XKR9: variants seen among roughly 807,000 people sequenced by gnomAD.
XKR9 encodes XK-related protein 9.
Under a neutral mutation model 32.0 loss-of-function variants are expected in XKR9, and 32 were observed. The observed-to-expected ratio is 1.00, with a 90% confidence interval of 0.76 to 1.34. XKR9 has a LOEUF of 1.34. XKR9 is among the 40% of genes most tolerant of loss of function. The pLI, the probability that XKR9 is intolerant of heterozygous loss-of-function variation, is 0.00. For synonymous variants in XKR9, 168 were observed against 143.4 expected (o/e 1.17, Z -1.22); for missense variants, 546 against 429.7 (o/e 1.27, Z -2.39).
At chr8:70,688,220 A>T (rs1819374392) in intron 3 of XKR9, among the ~76,000 whole-genome samples, 1 of 152,166 alleles carries the variant, frequency 6.6e-6, no homozygotes, top group Non-Finnish European at 1.5e-5. Flanking sequence ...GTAGAAACAG[A>T]GGTAGACCCT....
chr8:70,733,742 C>G, intron 4 of XKR9, 54 bp from the exon 5 acceptor site: 3 of 1,394,792 alleles, frequency 2.2e-6, no homozygotes, highest in Non-Finnish European at 2.8e-6. Flanking sequence ...ATATAGTAAT[C>G]TAATATTTCT....
At chr8:71,014,885 G>A in the XKR9 span, among the ~76,000 whole-genome samples, 3 of 152,210 alleles carry the variant, frequency 2.0e-5, no homozygotes, top group East Asian at 5.8e-4. Flanking sequence ...TAAAAACCCT[G>A]TGTTTGAGTC....
intron 3 of XKR9, among the ~76,000 whole-genome samples, chr8:70,683,206 C>T (rs373064654): frequency 3.0e-4 from 45 of 152,236 alleles, no homozygotes; most frequent in Admixed American, 2.6e-3. Context: ...GTGTAACGTG[C>T]GGTCTTAAAT....
the XKR9 span, among the ~76,000 whole-genome samples, chr8:70,809,977 A>G: frequency 2.0e-5 from 3 of 152,282 alleles, no homozygotes; most frequent in East Asian, 3.9e-4. Context: ...CAACTCCAAG[A>G]CACATAATTG....
intron 3 of XKR9, among the ~76,000 whole-genome samples, chr8:70,701,841 G>C (rs989398111): frequency 6.6e-6 from 1 of 152,110 alleles, no homozygotes; most frequent in Admixed American, 6.5e-5. Context: ...TCATTTTCCA[G>C]AATATAAATT....
the XKR9 span, among the ~76,000 whole-genome samples, chr8:70,946,725 A>G: frequency 6.6e-6 from 1 of 152,200 alleles, no homozygotes; most frequent in East Asian, 1.9e-4. Context: ...TGATTTGCCT[A>G]TGAATGTCTT....
chr8:70,741,980 T>G (rs956972086), intron 2 of XKR9, among the ~76,000 whole-genome samples: 1 of 152,102 alleles, frequency 6.6e-6, no homozygotes, highest in African/African-American at 2.4e-5. Flanking sequence ...TTTTTTTTCT[T>G]TTGATAATGG....
the XKR9 span, among the ~76,000 whole-genome samples, chr8:70,976,887 A>T: frequency 3.3e-5 from 5 of 152,118 alleles, no homozygotes; most frequent in Admixed American, 1.3e-4. Context: ...TTATTGCCTC[A>T]ATTTCAGAGC....
the XKR9 span, among the ~76,000 whole-genome samples, chr8:71,009,238 A>G: frequency 6.6e-6 from 1 of 152,216 alleles, no homozygotes; most frequent in African/African-American, 2.4e-5. Context: ...CATGGGCCGC[A>G]TGCAGCCCAG....
At chr8:70,782,802 CATTTT>C (rs1807634719) in intron 2 of XKR9, among the ~76,000 whole-genome samples, 1 of 152,050 alleles carries the variant, frequency 6.6e-6, no homozygotes, top group Non-Finnish European at 1.5e-5. Context: ...ATGTAGACCA[CATTTT>C]ATTTATTTGT....
At chr8:70,955,189 A>G in the XKR9 span, among the ~76,000 whole-genome samples, 1 of 152,156 alleles carries the variant, frequency 6.6e-6, no homozygotes. Flanking sequence ...GGATCAGACT[A>G]TTACCTCATT....
Position 70,744,762 on chromosome 8 carries a change from C to T in XKR9, n.352+37609C>T, listed in dbSNP as rs1401620369. On this transcript the variant is annotated intron_variant and non_coding_transcript_variant, in intron 2 of 3. Transcript: ENST00000520273. ...CTGGGACTACAGGTGTGCACCACCA[C>T]GCCTGGCTAATTTTTGTATTTTTGG... Among the ~76,000 whole-genome samples, 6 of 131,056 alleles carry T rather than the reference C, an allele frequency of 4.6e-5. 1 individual carries two copies. Among genetic ancestry groups the T allele is most frequent in the South Asian group, 2.2e-4 (1 of 4,462 alleles). The allele number at this position is 131,056 out of a possible 152,430, so 86.0% of individuals were successfully genotyped here. A position where few individuals can be genotyped will look rare whatever the true frequency, so the allele number is the denominator to read the frequency against.
chr8:70,791,797 T>G (rs1392662148), downstream of XKR9, among the ~76,000 whole-genome samples: 1 of 152,136 alleles, frequency 6.6e-6, no homozygotes, highest in Non-Finnish European at 1.5e-5. Context: ...ACTAAGACAC[T>G]GATGAATTTT....
chr8:70,980,829 C>A, the XKR9 span, among the ~76,000 whole-genome samples: 1 of 152,138 alleles, frequency 6.6e-6, no homozygotes, highest in Non-Finnish European at 1.5e-5. Context: ...GTAGTGCTGG[C>A]TTTGTAGTGG....
chr8:70,913,606 G>A, the XKR9 span, among the ~76,000 whole-genome samples: 14 of 152,088 alleles, frequency 9.2e-5, no homozygotes, highest in African/African-American at 2.9e-4. Flanking sequence ...TATTTTAAAT[G>A]CATTTGTATT....
chr8:70,707,420 T>C (rs1805760018), intron 4 of XKR9, among the ~76,000 whole-genome samples: 1 of 152,072 alleles, frequency 6.6e-6, no homozygotes. Flanking sequence ...TTTTTCTTTT[T>C]TCTTTAACAC....
chr8:70,756,663 T>A (rs2130196995), intron 2 of XKR9, among the ~76,000 whole-genome samples: 1 of 152,344 alleles, frequency 6.6e-6, no homozygotes, highest in South Asian at 2.1e-4. Flanking sequence ...TTTGGATTGC[T>A]CATTGCAAAT....
chr8:70,707,050 T>C lies in XKR9; in HGVS notation c.390T>C (p.Asp130=), dbSNP rs932345421. ...AAGAAGTTATAGATAGAGTGACTGA[T>C]TTGAGCATGCTCAGACTATTTGAGA... ...LHKEVIDRVT[D]LSMLRLFETY... Residue 130 remains aspartate (D), a synonymous_variant, in exon 4 of 5, where the codon GAT becomes GAC. Coordinates refer to ENST00000408926, the MANE Select transcript of XKR9 (RefSeq NM_001011720.2). 2.5e-6 allele frequency: 4 copies of C among 1,613,364 alleles called. No individual in the cohort carries two copies. The highest frequency in any genetic ancestry group is 3.4e-6 in the Non-Finnish European group (4 of 1,179,502).
chr8:70,890,461 T>C, the XKR9 span, among the ~76,000 whole-genome samples: 1 of 151,996 alleles, frequency 6.6e-6, no homozygotes, highest in South Asian at 2.1e-4. Flanking sequence ...ATATAGTCTT[T>C]AGAATGCTGA....
Sources: allele counts gnomAD v4.1 joint callset (sites outside exome capture counted in the v4.1 genomes callset), GRCh38; gene constraint gnomAD v4.1.1; transcripts MANE v1.5; gene names NCBI Gene and HGNC (gene_info 2026-07-23, HGNC 2026-07-21).